The following TPD52 variants were observed in gnomAD, a reference collection of about 807,000 sequenced individuals.
TPD52 encodes tumor protein D52, also known as prostate and colon associated protein.
Under a neutral mutation model 31.3 loss-of-function variants are expected in TPD52, and 17 were observed. The ratio of observed to expected loss-of-function variants is 0.54; its 90% CI spans 0.37 to 0.82. The LOEUF is 0.82. Ranked by LOEUF, TPD52 falls within the 40% of genes least tolerant of loss-of-function variation. TPD52 has a pLI of 0.00. For missense variants in TPD52, 212 were observed against 240.1 expected, an observed-to-expected ratio of 0.88 and a Z score of 0.77; for synonymous variants, 83 against 89.6, an observed-to-expected ratio of 0.93 and a Z score of 0.42.
intron 1 of TPD52, among the ~76,000 whole-genome samples, chr8:80,135,988 G>A (rs1337125673): frequency 1.1e-5 from 1 of 87,074 alleles, no homozygotes; most frequent in Non-Finnish European, 2.3e-5. Flanking sequence ...GTTGTGGGGT[G>A]GGGGGAGGGG....
intron 1 of TPD52, among the ~76,000 whole-genome samples, chr8:80,153,881 C>A (rs1000898817): frequency 5.3e-5 from 8 of 152,228 alleles, no homozygotes; most frequent in Non-Finnish European, 1.0e-4. Context: ...AACACTCCTT[C>A]AATGTTAGTA....
At chr8:80,047,505 A>G (rs1810980963) in intron 5 of TPD52, among the ~76,000 whole-genome samples, 1 of 152,176 alleles carries the variant, frequency 6.6e-6, no homozygotes. Flanking sequence ...AAATTTCAGC[A>G]TTATTTTGGT....
Position 80,061,805 on chromosome 8 carries a change from T to TA in TPD52, c.135+2672dup, listed in dbSNP as rs564278106. ...CAATAAACCACCTGAAAAGAAAATTTAAAAAAAATCCATTTACAATCACAT... is the reference window on the plus strand; with the variant it reads ...CAATAAACCACCTGAAAAGAAAATTTAAAAAAAAATCCATTTACAATCACAT... On this transcript the variant is annotated intron_variant, in intron 2 of 7. Coordinates refer to ENST00000518937, the MANE Select transcript of TPD52 (RefSeq NM_001025253.3). 2.4e-3 allele frequency among the ~76,000 whole-genome samples: 368 copies of TA among 152,028 alleles called. 5 individuals carry two copies. The highest frequency in any genetic ancestry group is 8.3e-3 in the African/African-American group (344 of 41,464).
In TPD52 at chr8:80,115,739, A is replaced by G. The variant is rs76420441; in HGVS notation, c.20-51146T>C. Among the ~76,000 whole-genome samples the G allele has an allele frequency of 5.9e-3, 898 of 152,278 alleles. 25 individuals carry two copies. Among genetic ancestry groups the G allele is most frequent in the Admixed American group, 0.044 (680 of 15,302 alleles). On this transcript the variant is annotated intron_variant, in intron 1 of 7. Transcript: ENST00000518937. ...TCACTTGTTTCTTGAAGCCTAACAG[A>G]GCCTATTTATATGGCAGTAATACCG... is the stretch of plus-strand genomic sequence containing the variant.
At chr8:80,154,779 G>C (rs1196166313) in intron 1 of TPD52, among the ~76,000 whole-genome samples, 1 of 147,634 alleles carries the variant, frequency 6.8e-6, no homozygotes, top group Non-Finnish European at 1.5e-5. Context: ...CTTTGAAGTA[G>C]CAATGAAATT....
At chr8:80,085,892 C>G (rs1241477794) in intron 1 of TPD52, among the ~76,000 whole-genome samples, 1 of 151,962 alleles carries the variant, frequency 6.6e-6, no homozygotes, top group East Asian at 1.9e-4. Context: ...TGGCTGAGAT[C>G]AAGTGTAGTA....
intron 5 of TPD52, among the ~76,000 whole-genome samples, chr8:80,048,978 A>C (rs1811119636): frequency 6.6e-6 from 1 of 152,214 alleles, no homozygotes; most frequent in Admixed American, 6.5e-5. Context: ...GCAAAACATA[A>C]TTTGTTGCTG....
At chr8:80,146,633 T>C (rs879750467) in intron 1 of TPD52, among the ~76,000 whole-genome samples, 3 of 152,132 alleles carry the variant, frequency 2.0e-5, no homozygotes, top group Non-Finnish European at 4.4e-5. Flanking sequence ...CATAGCTGCA[T>C]AAAGGAGGAA....
intron 1 of TPD52, among the ~76,000 whole-genome samples, chr8:80,150,114 G>T (rs2131191054): frequency 6.6e-6 from 1 of 152,350 alleles, no homozygotes; most frequent in South Asian, 2.1e-4. Context: ...TAGGGACTTG[G>T]TGTCCTGTGT....
chr8:80,105,121 T>C (rs1474602820), intron 1 of TPD52, among the ~76,000 whole-genome samples: 1 of 152,174 alleles, frequency 6.6e-6, no homozygotes, highest in Non-Finnish European at 1.5e-5. Flanking sequence ...CATTTCTTTT[T>C]GTGATAGGGT....
chr8:80,160,777 C>T (rs1811290513), intron 1 of TPD52, among the ~76,000 whole-genome samples: 1 of 151,186 alleles, frequency 6.6e-6, no homozygotes, highest in South Asian at 2.1e-4. Context: ...CGGGCGGTGG[C>T]TCATGCCTGT....
intron 1 of TPD52, among the ~76,000 whole-genome samples, chr8:80,069,935 T>A (rs913906943): frequency 1.3e-5 from 2 of 152,170 alleles, no homozygotes; most frequent in Admixed American, 1.3e-4. Flanking sequence ...GACTATAAAG[T>A]CCTGATGTCA....
intron 1 of TPD52, among the ~76,000 whole-genome samples, chr8:80,123,627 C>T (rs922754515): frequency 6.6e-6 from 1 of 152,256 alleles, no homozygotes; most frequent in Middle Eastern, 3.4e-3. Context: ...AGATGTGCTG[C>T]GTGGGCAGTT....
At chr8:80,043,612 C>T (rs969267915) in intron 6 of TPD52, among the ~76,000 whole-genome samples, 1 of 152,146 alleles carries the variant, frequency 6.6e-6, no homozygotes, top group African/African-American at 2.4e-5. Flanking sequence ...TGGGGCCCAG[C>T]AAGCAGCGGT....
At chr8:80,161,247 C>T (rs112514906) in intron 1 of TPD52, among the ~76,000 whole-genome samples, 88 of 152,260 alleles carry the variant, frequency 5.8e-4, no homozygotes, top group African/African-American at 2.0e-3. Context: ...GCCTTAGGAG[C>T]AAAGTACCAA....
chr8:80,111,164 A>T (rs1426414122), intron 1 of TPD52, among the ~76,000 whole-genome samples: 1 of 152,250 alleles, frequency 6.6e-6, no homozygotes, highest in Non-Finnish European at 1.5e-5. Flanking sequence ...GTGAGCTACG[A>T]TATCATCACT....
chr8:80,043,003 A>G lies in TPD52; in HGVS notation c.456-335T>C, dbSNP rs1363884198. ...TTCCCCAACCAACTTGTCATGGTAC[A>G]AGAAAATGCCACCATTAGATCAGTT... On this transcript the variant is annotated intron_variant, in intron 6 of 7. Coordinates refer to ENST00000518937, the MANE Select transcript of TPD52 (RefSeq NM_001025253.3). 4 of 195,082 alleles carry G rather than the reference A, an allele frequency of 2.1e-5. No homozygotes were observed. The East Asian group carries it at 4.9e-4, about 24-fold the overall frequency. The allele number at this position is 195,082 out of a possible 1,614,324, so 12.1% of individuals were successfully genotyped here.
chr8:80,122,254 G>A (rs984419203), intron 1 of TPD52, among the ~76,000 whole-genome samples: 1 of 152,276 alleles, frequency 6.6e-6, no homozygotes, highest in East Asian at 1.9e-4. Context: ...GAGGGAACTG[G>A]AAGTTGGATA....
At chr8:80,113,103 T>C (rs1161124491) in intron 1 of TPD52, among the ~76,000 whole-genome samples, 2 of 152,152 alleles carry the variant, frequency 1.3e-5, no homozygotes, top group Non-Finnish European at 2.9e-5. Flanking sequence ...CTTTTAAATT[T>C]TGGAGCATTT....
Sources: gnomAD v4.1 joint callset for allele counts (sites outside exome capture counted in the v4.1 genomes callset) on GRCh38, gnomAD v4.1.1 for gene constraint, MANE v1.5 for transcripts, NCBI Gene and HGNC (gene_info 2026-07-23, HGNC 2026-07-21) for gene names.